TENM1: variants seen among roughly 807,000 people sequenced by gnomAD.
The protein encoded by TENM1 is teneurin-1.
Under a neutral mutation model 174.8 loss-of-function variants are expected in TENM1, and 35 were observed. That is an observed-to-expected ratio of 0.20 (90% confidence interval 0.15 to 0.27). The LOEUF is 0.27. TENM1 is among the 10% of genes least tolerant of loss of function. The pLI is 1.00. For missense variants in TENM1, 1,633 were observed against 2,130.1 expected (o/e 0.77, Z 4.59); for synonymous variants, 781 against 798.7 (o/e 0.98, Z 0.37).
intron 6 of TENM1, among the ~76,000 whole-genome samples, chrX:124,662,612 C>T (rs1427738415): frequency 9.1e-6 from 1 of 110,192 alleles, no homozygotes; most frequent in African/African-American, 3.3e-5. Context: ...GTTTCATTAT[C>T]CACTTACCAC....
At chrX:124,733,941 C>T (rs753618038) in intron 4 of TENM1, among the ~76,000 whole-genome samples, 11 of 111,637 alleles carry the variant, frequency 9.9e-5, no homozygotes, top group Non-Finnish European at 2.1e-4. Context: ...GCTTCAAAGA[C>T]GAAAGGAGTG....
At chrX:124,615,484 C>A (rs2050378070) in intron 11 of TENM1, among the ~76,000 whole-genome samples, 1 of 111,699 alleles carries the variant, frequency 9.0e-6, no homozygotes, top group Non-Finnish European at 1.9e-5. Flanking sequence ...GTTGTTGTAC[C>A]AAATATAATA....
chrX:124,690,635 G>T (rs1441482387), intron 5 of TENM1, among the ~76,000 whole-genome samples: 1 of 110,077 alleles, frequency 9.1e-6, no homozygotes, highest in Non-Finnish European at 1.9e-5. Flanking sequence ...AAGTGTTTGA[G>T]TCATGTGAGT....
chrX:124,538,239 C>T (rs1038961924), intron 15 of TENM1, among the ~76,000 whole-genome samples: 1 of 111,871 alleles, frequency 8.9e-6, no homozygotes, highest in Non-Finnish European at 1.9e-5. Flanking sequence ...TCAGTAACAC[C>T]TTTCACATGA....
chrX:124,418,830 A>G (rs2060620895), intron 25 of TENM1, among the ~76,000 whole-genome samples: 1 of 112,220 alleles, frequency 8.9e-6, no homozygotes, highest in Non-Finnish European at 1.9e-5. Context: ...AGTTTTTAAA[A>G]AAGACATTAA....
At chrX:125,091,704 G>A in the TENM1 span, among the ~76,000 whole-genome samples, 1 of 110,919 alleles carries the variant, frequency 9.0e-6, no homozygotes, top group Non-Finnish European at 1.9e-5. Flanking sequence ...AAACCTAGGA[G>A]AGGCCGGGCA....
chrX:125,144,006 T>C, the TENM1 span, among the ~76,000 whole-genome samples: 4 of 111,861 alleles, frequency 3.6e-5, no homozygotes, highest in African/African-American at 1.3e-4. Flanking sequence ...ATGGTTTTGT[T>C]CCCCACTGAA....
intron 22 of TENM1, among the ~76,000 whole-genome samples, chrX:124,470,305 G>C (rs1014951889): frequency 1.8e-5 from 2 of 111,612 alleles, no homozygotes; most frequent in African/African-American, 6.5e-5. Context: ...AAATGTACCT[G>C]CTTTTATGGA....
At chrX:124,535,738 T>C (rs1245418636) in intron 15 of TENM1, among the ~76,000 whole-genome samples, 1 of 112,246 alleles carries the variant, frequency 8.9e-6, no homozygotes, top group African/African-American at 3.2e-5. Context: ...TGTGTCCTTC[T>C]CAGAGCCTGA....
intron 3 of TENM1, among the ~76,000 whole-genome samples, chrX:124,749,749 C>T (rs2054018225): frequency 8.9e-6 from 1 of 112,018 alleles, no homozygotes; most frequent in South Asian, 3.7e-4. Context: ...GGCATTAAGA[C>T]CAACATCCAC....
chrX:124,455,055 C>A (rs1477474771), intron 22 of TENM1, among the ~76,000 whole-genome samples: 2 of 112,202 alleles, frequency 1.8e-5, no homozygotes, highest in African/African-American at 6.5e-5. Context: ...TGAACTAATT[C>A]ATTGGCAGGA....
At chrX:125,108,735 CACACACACACGTGTATATATATATAT>C in the TENM1 span, among the ~76,000 whole-genome samples, 3 of 88,347 alleles carry the variant, frequency 3.4e-5, 1 homozygote, top group South Asian at 1.4e-3. Context: ...TATATATATA[CACACACACACGTGTATATATATATAT>C]ACACAGATGT....
chrX:125,156,473 C>T, the TENM1 span, among the ~76,000 whole-genome samples: 1 of 112,003 alleles, frequency 8.9e-6, no homozygotes, highest in Non-Finnish European at 1.9e-5. Flanking sequence ...GTGTATTCAG[C>T]GTTTAGCTTT....
At chrX:125,008,581 T>C in the TENM1 span, among the ~76,000 whole-genome samples, 1 of 112,361 alleles carries the variant, frequency 8.9e-6, no homozygotes, top group Non-Finnish European at 1.9e-5. Context: ...AAAATATACA[T>C]TCTTCTCAGT....
chrX:124,503,969 G>C (rs2051577), intron 18 of TENM1, among the ~76,000 whole-genome samples: 7,036 of 111,523 alleles, frequency 0.063, 212 homozygotes, highest in East Asian at 0.11. Flanking sequence ...TATGTTTATG[G>C]ACATTAGGCT....
At chrX:124,702,561 T>C (rs779320140) in intron 5 of TENM1, among the ~76,000 whole-genome samples, 39 of 112,566 alleles carry the variant, frequency 3.5e-4, no homozygotes, top group Non-Finnish European at 6.6e-4. Context: ...GTATATCTAA[T>C]TGAATTTGTA....
chrX:124,711,508 A>G (rs1157542601), intron 4 of TENM1, among the ~76,000 whole-genome samples: 7 of 111,621 alleles, frequency 6.3e-5, no homozygotes, highest in Non-Finnish European at 1.3e-4. Flanking sequence ...ATCTATACCT[A>G]TATTCCCTTA....
the TENM1 span, among the ~76,000 whole-genome samples, chrX:125,194,745 A>C: frequency 8.9e-6 from 1 of 111,952 alleles, no homozygotes; most frequent in East Asian, 2.8e-4. Context: ...GATAGGAAAT[A>C]AAATGGCACT....
chrX:124,440,345 T>G (rs2060889573), intron 23 of TENM1, among the ~76,000 whole-genome samples: 1 of 112,329 alleles, frequency 8.9e-6, no homozygotes, highest in Admixed American at 9.4e-5. Flanking sequence ...TTCATGAAGA[T>G]GCCAATTAAC....
Sources: allele counts gnomAD v4.1 joint callset (sites outside exome capture counted in the v4.1 genomes callset), GRCh38; gene constraint gnomAD v4.1.1; transcripts MANE v1.5; gene names NCBI Gene and HGNC (gene_info 2026-07-23, HGNC 2026-07-21).